The following CHD4 variants were observed in gnomAD, a reference collection of about 807,000 sequenced individuals.
The protein encoded by CHD4 is chromodomain helicase DNA binding protein 4, also known as ATP-dependent chromatin remodeler CHD4.
A neutral mutation model predicts 235.5 loss-of-function variants in CHD4; 35 were observed. The observed-to-expected ratio is 0.15, with a 90% CI of 0.11 to 0.20. The LOEUF (loss-of-function observed/expected upper bound fraction) is 0.20, where lower values mean the gene tolerates loss of function less well. CHD4 is among the 10% of genes least tolerant of loss of function. The pLI is 1.00. For missense variants in CHD4, 1,329 were observed against 2,432.3 expected, an observed-to-expected ratio of 0.55 and a Z score of 9.54; for synonymous variants, 900 against 850.2, an observed-to-expected ratio of 1.06 and a Z score of -1.02.
intron 33 of CHD4, among the ~76,000 whole-genome samples, chr12:6,579,904 A>C (rs1948147042): frequency 6.7e-6 from 1 of 150,276 alleles, no homozygotes; most frequent in Non-Finnish European, 1.5e-5. Context: ...AAAATACAAA[A>C]AATTAGCCGG....
chr12:6,595,649 A>G (rs901562990), intron 13 of CHD4, among the ~76,000 whole-genome samples: 1 of 151,994 alleles, frequency 6.6e-6, no homozygotes, highest in African/African-American at 2.4e-5. Context: ...TTAGCTGGGC[A>G]TGGTGGCAGA....
At chr12:6,598,752 T>A (rs1948541544) in intron 10 of CHD4, among the ~76,000 whole-genome samples, 1 of 152,092 alleles carries the variant, frequency 6.6e-6, no homozygotes. Context: ...GAGCTTGCAG[T>A]GAGCCAAGAT....
Position 6,570,983 on chromosome 12 carries a change from A to C in CHD4, c.5607T>G (p.Thr1869=), listed in dbSNP as rs1947957190. The C allele has an allele frequency of 6.2e-7, 1 of 1,614,174 alleles. No individual in the cohort carries two copies. Among genetic ancestry groups the C allele is most frequent in the South Asian group, 1.1e-5 (1 of 91,082 alleles). ...ELLSDMKADV[T]RLPATIARIP... Reference sequence around the variant, plus strand: ...TTCGGGCAATGGTAGCTGGGAGTCGAGTCACATCAGCTTTCATGTCACTCA... The same window carrying C: ...TTCGGGCAATGGTAGCTGGGAGTCGCGTCACATCAGCTTTCATGTCACTCA... Residue 1869 remains threonine, a synonymous_variant, in exon 39 of 40, where the codon ACT becomes ACG. Transcript: ENST00000544040.
chr12:6,601,986 C>T lies in CHD4; in HGVS notation c.412G>A (p.Glu138Lys). 6.2e-7 allele frequency: 1 copy of T among 1,609,426 alleles called. No homozygotes were observed. The highest frequency in any genetic ancestry group is 8.5e-7 in the Non-Finnish European group (1 of 1,179,762). ...TTTGAATCATCATCATCATCCTCCT[C>T]CTCCTCCTCCTCCTTCCGCTTGGAT... ...SKSKRKEEEE[E>K]EDDDDDSKEP... Residue 138 changes from glutamate to lysine, a missense_variant, in exon 4 of 40, where the codon GAG becomes AAG. Glu to Lys is a moderately conservative substitution (Grantham distance 56, BLOSUM62 1). Coordinates refer to ENST00000544040, the MANE Select transcript of CHD4 (RefSeq NM_001273.5).
chr12:6,591,862 A>G lies in CHD4; in HGVS notation c.3091-37T>C, dbSNP rs745553945. The G allele has an allele frequency of 2.5e-6, 4 of 1,613,802 alleles. No homozygotes were observed. The Admixed American group carries it at 6.7e-5, about 27-fold the overall frequency. On this transcript the variant is annotated intron_variant, in intron 20 of 39. Coordinates refer to ENST00000544040, the MANE Select transcript of CHD4 (RefSeq NM_001273.5). Reference sequence around the variant, plus strand: ...TGCAAAGAAAAAAGTATTAAAAGAAAGCCCACATGGAGAAGACCCAACCCA... The same window carrying G: ...TGCAAAGAAAAAAGTATTAAAAGAAGGCCCACATGGAGAAGACCCAACCCA...
intron 25 of CHD4, 149 bp downstream of exon 25, chr12:6,587,235 T>C (rs956705871): frequency 1.4e-6 from 1 of 738,448 alleles, no homozygotes; most frequent in Non-Finnish European, 2.2e-6. Flanking sequence ...AGTCATGTTA[T>C]CAGCTTTGTT....
At chr12:6,578,260 TCTGG>T (rs1254868273) in intron 35 of CHD4, 123 bp from the exon 36 acceptor site, 14 of 1,348,646 alleles carry the variant, frequency 1.0e-5, no homozygotes, top group Non-Finnish European at 1.5e-5. Context: ...ATAATTTGCT[TCTGG>T]CTTTCTCCAC....
Position 6,591,599 on chromosome 12 carries a change from G to C in CHD4, c.3223-16C>G. The stretch of plus-strand genomic sequence containing the variant: ...TCTTGGTCATCTGCAAAAGAAGCAC[G>C]GTTTAATTATGGAAGAGTCAGATGG... On this transcript the variant is annotated splice_polypyrimidine_tract_variant and intron_variant, in intron 21 of 39. Coordinates refer to ENST00000544040, the MANE Select transcript of CHD4 (RefSeq NM_001273.5). 2 of 1,613,702 alleles carry C rather than the reference G, an allele frequency of 1.2e-6. No homozygotes were observed. The highest frequency in any genetic ancestry group is 1.7e-6 in the Non-Finnish European group (2 of 1,179,656).
rs769701672 is a variant in CHD4 at position 6,570,906 on chromosome 12, C to A, written c.5684G>T (p.Arg1895Leu). Residue 1895 changes from arginine (R) to leucine (L), a missense_variant, in exon 39 of 40, where the codon CGC becomes CTC. Physicochemically the swap from Arg to Leu is moderately radical, Grantham distance 102. Coordinates refer to ENST00000544040, the MANE Select transcript of CHD4 (RefSeq NM_001273.5). Reference sequence around the variant, plus strand: ...AGGTTCGGGTGCCCGGTTTGCCAGGCGGCTGAGAATGTTACGCTCTGACAT... The same window carrying A: ...AGGTTCGGGTGCCCGGTTTGCCAGGAGGCTGAGAATGTTACGCTCTGACAT... ...LQMSERNILS[R>L]LANRAPEPTP... 3 of 1,614,150 alleles carry A rather than the reference C, an allele frequency of 1.9e-6. No individual in the cohort carries two copies. The highest frequency in any genetic ancestry group is 1.1e-5 in the South Asian group (1 of 91,078).
chr12:6,580,105 G>A (rs554371750), intron 33 of CHD4, among the ~76,000 whole-genome samples: 29 of 150,602 alleles, frequency 1.9e-4, no homozygotes, highest in African/African-American at 6.1e-4. Context: ...TGGCACGCCT[G>A]CAATCCCAGC....
chr12:6,593,697 C>G lies in CHD4; in HGVS notation c.2314-81G>C. ...GCGAACACCCACCACCCTGCTGCCC[C>G]CTCAAGCTGAGCCAAGGACTGACAC... On this transcript the variant is annotated intron_variant, in intron 15 of 39. Transcript: ENST00000544040. The surrounding 1 kb of genome is among the most constrained non-coding windows in gnomAD (Gnocchi z 4.9). 6 of 1,317,372 alleles carry G rather than the reference C, an allele frequency of 4.6e-6. No individual in the cohort carries two copies. The highest frequency in any genetic ancestry group is 6.4e-6 in the Non-Finnish European group (6 of 936,398). The allele number at this position is 1,317,372 out of a possible 1,614,324, so 81.6% of individuals were successfully genotyped here. A position where few individuals can be genotyped will look rare whatever the true frequency, so the allele number is the denominator to read the frequency against.
At chr12:6,582,770 G>C in intron 28 of CHD4, 22 bp from the exon 29 acceptor site, 1 of 1,614,112 alleles carries the variant, frequency 6.2e-7, no homozygotes, top group African/African-American at 1.3e-5. Flanking sequence ...AGAAACCCAG[G>C]TGAGAGGCAG....
intron 35 of CHD4, 29 bp downstream of exon 35, chr12:6,578,380 T>A: frequency 6.2e-7 from 1 of 1,607,438 alleles, no homozygotes; most frequent in Non-Finnish European, 8.5e-7. Flanking sequence ...CAGATCCTTC[T>A]AACCCTGGTG....
intron 2 of CHD4, 60 bp downstream of exon 2, chr12:6,606,214 G>C: frequency 8.7e-7 from 1 of 1,154,968 alleles, no homozygotes; most frequent in Non-Finnish European, 1.3e-6. Context: ...CACCAGAGGA[G>C]TCACTCGGGA....
chr12:6,596,809 A>C (rs987868891), intron 12 of CHD4, among the ~76,000 whole-genome samples: 2 of 151,096 alleles, frequency 1.3e-5, no homozygotes, highest in African/African-American at 4.9e-5. Flanking sequence ...CAAAAAAAAA[A>C]ATTAGGCAGG....
chr12:6,601,281 C>T lies in CHD4; in HGVS notation c.799+8G>A. 1 of 1,612,718 alleles carries T rather than the reference C, an allele frequency of 6.2e-7. No homozygotes were observed. Among genetic ancestry groups the T allele is most frequent in the South Asian group, 1.1e-5 (1 of 91,048 alleles). On this transcript the variant is annotated splice_region_variant and intron_variant, in intron 6 of 39. Transcript: ENST00000544040. ...GACACCCCCACTCCCATTTGAACCC[C>T]ATTTCACCTTTGCCCTCCTTGGTCT... is the stretch of plus-strand genomic sequence containing the variant.
At position 6,601,782 on chromosome 12, in the gene CHD4, A is replaced by C. The variant is rs1231586760; in HGVS notation, c.439-16T>G. The stretch of plus-strand genomic sequence containing the variant: ...ATTTAGGCTCCTGCAGAAAGAGCAA[A>C]GTCAAGTAAGTACCTGCCACCTAGT... On this transcript the variant is annotated splice_polypyrimidine_tract_variant and intron_variant, in intron 4 of 39. Transcript: ENST00000544040. 2 of 1,607,608 alleles carry C rather than the reference A, an allele frequency of 1.2e-6. No homozygotes were observed. Among genetic ancestry groups the C allele is most frequent in the African/African-American group, 2.7e-5 (2 of 74,758 alleles).
chr12:6,578,576 C>T, intron 34 of CHD4, 30 bp from the exon 35 acceptor site: 1 of 1,606,942 alleles, frequency 6.2e-7, no homozygotes, highest in Admixed American at 1.7e-5. Flanking sequence ...AAAATGTCAG[C>T]TCCAGCCAAA....
chr12:6,579,570 C>CA, intron 33 of CHD4: 1 of 142,528 alleles, frequency 7.0e-6, no homozygotes, highest in African/African-American at 2.6e-5. Flanking sequence ...GCCTGGGCGA[C>CA]GGAGCAAGAC....
Sources: gnomAD v4.1 joint callset for allele counts (sites outside exome capture counted in the v4.1 genomes callset) on GRCh38, gnomAD v4.1.1 for gene constraint, Gnocchi (gnomAD v3.1) non-coding constraint, MANE v1.5 for transcripts, NCBI Gene and HGNC (gene_info 2026-07-23, HGNC 2026-07-21) for gene names.